EXOC4: variants seen among roughly 807,000 people sequenced by gnomAD.
EXOC4 encodes SEC8-like 1.
A neutral mutation model predicts 107.2 loss-of-function variants in EXOC4; 71 were observed. The observed-to-expected ratio is 0.66, with a 90% CI of 0.55 to 0.81. The LOEUF (loss-of-function observed/expected upper bound fraction) is 0.81. Among genes scored for constraint, EXOC4 ranks in the 30% least tolerant of loss-of-function variants. EXOC4 has a pLI of 0.00. For missense variants in EXOC4, 1,108 were observed against 1,189.6 expected (o/e 0.93, Z 1.01); for synonymous variants, 456 against 441.2 (o/e 1.03, Z -0.42).
At chr7:133,886,915 G>A (rs933577378) in intron 11 of EXOC4, among the ~76,000 whole-genome samples, 1 of 152,072 alleles carries the variant, frequency 6.6e-6, no homozygotes, top group Non-Finnish European at 1.5e-5. Flanking sequence ...CCATCATTTG[G>A]CAAACTACAG....
intron 10 of EXOC4, among the ~76,000 whole-genome samples, chr7:133,745,171 A>G (rs1189996354): frequency 1.3e-5 from 2 of 151,454 alleles, no homozygotes; most frequent in South Asian, 2.1e-4. Flanking sequence ...GTCACTCCAT[A>G]TTTTTTGTCT....
At chr7:133,951,889 A>C (rs1032777086) in intron 14 of EXOC4, among the ~76,000 whole-genome samples, 1 of 152,242 alleles carries the variant, frequency 6.6e-6, no homozygotes, top group African/African-American at 2.4e-5. Context: ...GGCCAGGTGC[A>C]GTGGCTCACG....
At chr7:133,867,755 A>G (rs149289423) in intron 11 of EXOC4, among the ~76,000 whole-genome samples, 125 of 152,336 alleles carry the variant, frequency 8.2e-4, no homozygotes, top group African/African-American at 2.8e-3. Flanking sequence ...GCCACAGACT[A>G]ATTTTTAGAA....
intron 9 of EXOC4, among the ~76,000 whole-genome samples, chr7:133,577,441 T>C (rs112788612): frequency 1.4e-3 from 207 of 152,350 alleles, no homozygotes; most frequent in African/African-American, 4.9e-3. Context: ...ATTATTCCAA[T>C]GATTACTATC....
intron 10 of EXOC4, among the ~76,000 whole-genome samples, chr7:133,766,425 A>G (rs1342875485): frequency 6.6e-6 from 1 of 152,018 alleles, no homozygotes. Context: ...TCAATTTAAT[A>G]TGCTTCCTAA....
chr7:133,656,247 C>A (rs929350938), intron 10 of EXOC4, among the ~76,000 whole-genome samples: 3 of 152,084 alleles, frequency 2.0e-5, no homozygotes, highest in Non-Finnish European at 2.9e-5. Flanking sequence ...GCAAAGATAT[C>A]AGTTGGCAAG....
intron 17 of EXOC4, among the ~76,000 whole-genome samples, chr7:134,023,244 T>C (rs1795066009): frequency 6.6e-6 from 1 of 152,222 alleles, no homozygotes; most frequent in South Asian, 2.1e-4. Context: ...TATTTTGCTG[T>C]ATTCTGTCTT....
chr7:133,807,388 A>G (rs1278915397), intron 10 of EXOC4, among the ~76,000 whole-genome samples: 2 of 152,230 alleles, frequency 1.3e-5, no homozygotes, highest in Non-Finnish European at 2.9e-5. Flanking sequence ...AATTATTAAT[A>G]CAGCTCCTAC....
chr7:133,777,870 T>C (rs1050210494), intron 10 of EXOC4, among the ~76,000 whole-genome samples: 1 of 152,202 alleles, frequency 6.6e-6, no homozygotes, highest in Non-Finnish European at 1.5e-5. Context: ...TATATATGAA[T>C]GACTATTATC....
At chr7:133,811,081 A>G (rs1797217752) in intron 10 of EXOC4, among the ~76,000 whole-genome samples, 1 of 152,068 alleles carries the variant, frequency 6.6e-6, no homozygotes, top group Non-Finnish European at 1.5e-5. Flanking sequence ...CGCTCCCCAT[A>G]CAGCATTATG....
chr7:133,876,915 A>G (rs1278662667), intron 11 of EXOC4, among the ~76,000 whole-genome samples: 4 of 151,070 alleles, frequency 2.6e-5, no homozygotes, highest in African/African-American at 9.7e-5. Flanking sequence ...AGTTTTTGTT[A>G]TCTTCCATTT....
At chr7:133,577,225 A>T (rs1421657001) in intron 9 of EXOC4, among the ~76,000 whole-genome samples, 2 of 152,194 alleles carry the variant, frequency 1.3e-5, no homozygotes, top group African/African-American at 2.4e-5. Context: ...TATTTAATGT[A>T]TTCATCAGAC....
At chr7:133,930,981 CATT>C (rs1800163122) in intron 13 of EXOC4, among the ~76,000 whole-genome samples, 1 of 150,574 alleles carries the variant, frequency 6.6e-6, no homozygotes, top group South Asian at 2.2e-4. Context: ...ACATTTATGG[CATT>C]TTTTTTTTCA....
intron 5 of EXOC4, 96 bp from the exon 6 acceptor site, chr7:133,356,234 G>A: frequency 3.3e-6 from 4 of 1,210,372 alleles, no homozygotes; most frequent in Non-Finnish European, 4.7e-6. Context: ...TTCTTTAAGA[G>A]AGTAATCAAG....
intron 9 of EXOC4, among the ~76,000 whole-genome samples, chr7:133,579,720 C>T (rs1161950629): frequency 6.7e-6 from 1 of 149,004 alleles, no homozygotes; most frequent in Non-Finnish European, 1.5e-5. Flanking sequence ...TGGAGTCTCA[C>T]TCTGTCGCCA....
At chr7:134,027,074 A>G (rs1011758201) in intron 17 of EXOC4, among the ~76,000 whole-genome samples, 6 of 152,210 alleles carry the variant, frequency 3.9e-5, no homozygotes, top group African/African-American at 1.4e-4. Flanking sequence ...AAAACTATCA[A>G]GGTGATTGCT....
chr7:134,086,407 C>A, the EXOC4 span, among the ~76,000 whole-genome samples: 1 of 152,144 alleles, frequency 6.6e-6, no homozygotes, highest in Non-Finnish European at 1.5e-5. Flanking sequence ...GTATTGTAAA[C>A]AATTCCTTTC....
chr7:133,412,541 AT>A (rs2150747704), intron 7 of EXOC4, among the ~76,000 whole-genome samples: 1 of 152,158 alleles, frequency 6.6e-6, no homozygotes, highest in South Asian at 2.1e-4. Context: ...CCAAACCGCC[AT>A]GAAAAATCAA....
chr7:133,412,278 G>GTTTTTT (rs35334259), intron 7 of EXOC4, among the ~76,000 whole-genome samples: 3,181 of 71,428 alleles, frequency 0.045, 727 homozygotes, highest in Non-Finnish European at 0.057. Flanking sequence ...TCAGAATTCA[G>GTTTTTT]TTTTTTTTTT....
Sources: allele counts gnomAD v4.1 joint callset (sites outside exome capture counted in the v4.1 genomes callset), GRCh38; gene constraint gnomAD v4.1.1; transcripts MANE v1.5; gene names NCBI Gene and HGNC (gene_info 2026-07-23, HGNC 2026-07-21).